DOCK3: variants seen among roughly 807,000 people sequenced by gnomAD.
DOCK3 encodes the protein dedicator of cytokinesis protein 3.
Under a neutral mutation model 265.6 loss-of-function variants are expected in DOCK3, and 60 were observed. The ratio of observed to expected loss-of-function variants is 0.23; its 90% CI spans 0.18 to 0.28. The LOEUF is 0.28. Ranked by LOEUF, DOCK3 falls within the 10% of genes least tolerant of loss-of-function variation. DOCK3 has a pLI of 1.00. For synonymous variants in DOCK3, 881 were observed against 938.0 expected (o/e 0.94, Z 1.11); for missense variants, 1,981 against 2,594.3 (o/e 0.76, Z 5.14).
At chr3:50,867,676 T>G (rs1322845873) in intron 3 of DOCK3, among the ~76,000 whole-genome samples, 1 of 152,068 alleles carries the variant, frequency 6.6e-6, no homozygotes, top group African/African-American at 2.4e-5. Flanking sequence ...TCATAATCAA[T>G]TGAAATGATC....
chr3:51,202,439 A>G (rs982108455), intron 12 of DOCK3, among the ~76,000 whole-genome samples: 9 of 152,084 alleles, frequency 5.9e-5, no homozygotes, highest in African/African-American at 2.2e-4. Context: ...AAATTCCTCA[A>G]CATATACACC....
At chr3:51,153,050 G>T (rs962826489) in intron 10 of DOCK3, among the ~76,000 whole-genome samples, 1 of 152,248 alleles carries the variant, frequency 6.6e-6, no homozygotes, top group African/African-American at 2.4e-5. Context: ...AGACAGGGAC[G>T]TTTAAGTCTG....
At chr3:51,058,324 GTATCA>G (rs1316299266) in intron 5 of DOCK3, among the ~76,000 whole-genome samples, 1 of 152,104 alleles carries the variant, frequency 6.6e-6, no homozygotes. Flanking sequence ...TGCTGGAAGG[GTATCA>G]AAGTCACATT....
chr3:51,231,722 G>A (rs2078131237), intron 19 of DOCK3, among the ~76,000 whole-genome samples: 1 of 152,134 alleles, frequency 6.6e-6, no homozygotes, highest in African/African-American at 2.4e-5. Flanking sequence ...TGTTTACTCT[G>A]TTGATAGTTT....
intron 38 of DOCK3, among the ~76,000 whole-genome samples, chr3:51,347,746 C>T (rs1364104330): frequency 6.6e-6 from 1 of 152,138 alleles, no homozygotes; most frequent in Non-Finnish European, 1.5e-5. Context: ...GCCATTTTCA[C>T]AGTATTGATT....
intron 12 of DOCK3, among the ~76,000 whole-genome samples, chr3:51,196,715 A>G (rs756804861): frequency 6.6e-6 from 1 of 152,188 alleles, no homozygotes; most frequent in Non-Finnish European, 1.5e-5. Flanking sequence ...AAATTCTTCA[A>G]TTGCAGAATT....
intron 32 of DOCK3, among the ~76,000 whole-genome samples, chr3:51,329,817 C>A (rs1362014382): frequency 6.6e-6 from 1 of 152,126 alleles, no homozygotes; most frequent in African/African-American, 2.4e-5. Flanking sequence ...GGGAAAAAAA[C>A]ATCTGAAAAA....
At chr3:50,801,749 A>G (rs926331475) in intron 2 of DOCK3, among the ~76,000 whole-genome samples, 5 of 152,116 alleles carry the variant, frequency 3.3e-5, no homozygotes, top group Admixed American at 2.0e-4. Flanking sequence ...CTGATGTCCC[A>G]TTGTTGGTTT....
At chr3:51,277,791 T>A (rs747215588) in intron 26 of DOCK3, 37 bp downstream of exon 26, 1 of 1,588,860 alleles carries the variant, frequency 6.3e-7, no homozygotes, top group African/African-American at 1.3e-5. Flanking sequence ...TGCCTTCTTT[T>A]CTAACCCGGG....
At chr3:50,683,846 C>G (rs1417431319) in intron 1 of DOCK3, among the ~76,000 whole-genome samples, 2 of 117,744 alleles carry the variant, frequency 1.7e-5, no homozygotes, top group Non-Finnish European at 3.6e-5. Flanking sequence ...TCCCCCCCCC[C>G]CACCCACTCC....
At chr3:50,942,352 A>C (rs1175234708) in intron 5 of DOCK3, among the ~76,000 whole-genome samples, 2 of 152,042 alleles carry the variant, frequency 1.3e-5, no homozygotes, top group Non-Finnish European at 1.5e-5. Flanking sequence ...GTTAAAACTA[A>C]AATATTTTAC....
At chr3:51,336,223 T>A (rs751382123) in intron 35 of DOCK3, among the ~76,000 whole-genome samples, 29 of 152,202 alleles carry the variant, frequency 1.9e-4, no homozygotes, top group Admixed American at 1.7e-3. Context: ...TCAACTTTTA[T>A]ATCAATGTCT....
At chr3:51,026,999 G>A (rs1009236838) in intron 5 of DOCK3, among the ~76,000 whole-genome samples, 2 of 151,820 alleles carry the variant, frequency 1.3e-5, no homozygotes, top group Non-Finnish European at 2.9e-5. Context: ...TCTTCTGCTA[G>A]ATTTTTATTT....
At chr3:50,680,230 T>TA (rs2034294170) in intron 1 of DOCK3, among the ~76,000 whole-genome samples, 1 of 150,906 alleles carries the variant, frequency 6.6e-6, no homozygotes, top group Admixed American at 6.6e-5. Context: ...TTTTTTTTTT[T>TA]AGACAGAGTC....
chr3:50,784,114 C>T (rs568444319), intron 2 of DOCK3, among the ~76,000 whole-genome samples: 20 of 152,178 alleles, frequency 1.3e-4, no homozygotes, highest in South Asian at 4.1e-4. Context: ...GTGATCCTCC[C>T]GCCTCAGCCT....
chr3:51,249,601 G>C, intron 22 of DOCK3, among the ~76,000 whole-genome samples: 1 of 125,594 alleles, frequency 8.0e-6, no homozygotes, highest in Non-Finnish European at 1.8e-5. Flanking sequence ...GAGGGAGGTG[G>C]GGGGGTCAGC....
chr3:51,372,051 C>T (rs2087727069), intron 49 of DOCK3, among the ~76,000 whole-genome samples: 1 of 152,142 alleles, frequency 6.6e-6, no homozygotes, highest in African/African-American at 2.4e-5. Context: ...CTGCAATGCT[C>T]AGGAAGCATT....
At chr3:50,869,481 C>T (rs2107572293) in intron 3 of DOCK3, among the ~76,000 whole-genome samples, 1 of 149,050 alleles carries the variant, frequency 6.7e-6, no homozygotes, top group Admixed American at 6.7e-5. Flanking sequence ...AGTGATTCTC[C>T]CACCTCAGCC....
chr3:50,935,296 C>A (rs1468671701), intron 5 of DOCK3, among the ~76,000 whole-genome samples: 1 of 152,142 alleles, frequency 6.6e-6, no homozygotes, highest in African/African-American at 2.4e-5. Flanking sequence ...AATCCATAAC[C>A]AGTACTGTTT....
Sources: gnomAD v4.1 joint callset for allele counts (sites outside exome capture counted in the v4.1 genomes callset) on GRCh38, gnomAD v4.1.1 for gene constraint, MANE v1.5 for transcripts, NCBI Gene and HGNC (gene_info 2026-07-23, HGNC 2026-07-21) for gene names.